The following COG2 variants were observed in gnomAD, a reference collection of about 807,000 sequenced individuals.
COG2 encodes the protein component of oligomeric golgi complex 2, also known as conserved oligomeric Golgi complex subunit 2.
A neutral mutation model predicts 90.6 loss-of-function variants in COG2; 52 were observed. The observed-to-expected ratio is 0.57, with a 90% CI of 0.46 to 0.72. COG2 has a LOEUF of 0.72. Among genes scored for constraint, COG2 ranks in the 30% least tolerant of loss-of-function variants. COG2 has a pLI of 0.00. For missense variants in COG2, 829 were observed against 891.2 expected (o/e 0.93, Z 0.89); for synonymous variants, 337 against 320.4 (o/e 1.05, Z -0.55).
chr1:230,691,326 C>T, intron 16 of COG2, 58 bp from the exon 17 acceptor site: 1 of 1,445,454 alleles, frequency 6.9e-7, no homozygotes, highest in African/African-American at 1.4e-5. Flanking sequence ...GCCAGTTACT[C>T]TATTTGGTGT....
intron 8 of COG2, among the ~76,000 whole-genome samples, chr1:230,673,652 A>T (rs540355040): frequency 2.0e-4 from 31 of 152,314 alleles, no homozygotes; most frequent in African/African-American, 6.7e-4. Flanking sequence ...TTCTCTAGAT[A>T]CCTTAACAGA....
Position 230,687,061 on chromosome 1 carries a change from A to G in COG2, c.1507A>G (p.Lys503Glu), listed in dbSNP as rs910052942. ...EDQGSGPSET[K>E]PVVSISRTQL... ...CCAAGGAAGTGGTCCTTCGGAAACA[A>G]AGCCTGTGGTTTCCATTTCCCGCAC... Residue 503 changes from lysine to glutamate, a missense_variant, in exon 13 of 18, where the codon AAG becomes GAG. Transcript: ENST00000366669. 2 of 1,613,066 alleles carry G rather than the reference A, an allele frequency of 1.2e-6. No individual in the cohort carries two copies. The highest frequency in any genetic ancestry group is 1.7e-6 in the Non-Finnish European group (2 of 1,179,510).
At chr1:230,691,306 G>A (rs2102776894) in intron 16 of COG2, 78 bp from the exon 17 acceptor site, 2 of 1,255,506 alleles carry the variant, frequency 1.6e-6, no homozygotes, top group South Asian at 3.5e-5. Context: ...CTCTTTTTTT[G>A]GTCCACAAAG....
At chr1:230,691,662 G>A (rs778741087) in intron 17 of COG2, 98 bp downstream of exon 17, 75 of 1,143,182 alleles carry the variant, frequency 6.6e-5, no homozygotes, top group Admixed American at 1.1e-4. Flanking sequence ...AGATGCTGTC[G>A]CAGTGGCTAG....
At chr1:230,689,978 C>T (rs1179225705) in intron 15 of COG2, 36 bp from the exon 16 acceptor site, 1 of 1,527,930 alleles carries the variant, frequency 6.5e-7, no homozygotes, top group African/African-American at 1.4e-5. Context: ...CTGTTTTTTT[C>T]CTGTGCATCT....
intron 4 of COG2, 50 bp downstream of exon 4, chr1:230,663,271 G>A (rs1163786153): frequency 7.0e-7 from 1 of 1,436,066 alleles, no homozygotes; most frequent in Admixed American, 1.8e-5. Context: ...GTAGCACCTT[G>A]TAGTAACAAG....
At chr1:230,680,432 T>A (rs965530368) in intron 10 of COG2, 1 of 152,320 alleles carries the variant, frequency 6.6e-6, no homozygotes, top group Non-Finnish European at 1.5e-5. Flanking sequence ...CTGCACCTCC[T>A]GGAGCTCCCA....
chr1:230,656,661 A>G (rs1462229620), intron 1 of COG2, among the ~76,000 whole-genome samples: 1 of 152,148 alleles, frequency 6.6e-6, no homozygotes, highest in Non-Finnish European at 1.5e-5. Context: ...TGATCTGTCT[A>G]ATATTGACAG....
At chr1:230,645,320 T>A (rs1661742978) in intron 1 of COG2, among the ~76,000 whole-genome samples, 1 of 151,644 alleles carries the variant, frequency 6.6e-6, no homozygotes, top group Non-Finnish European at 1.5e-5. Context: ...TGTAAGATAC[T>A]GGTAGTAGGA....
intron 1 of COG2, among the ~76,000 whole-genome samples, chr1:230,651,839 T>G (rs1011717027): frequency 6.6e-6 from 1 of 152,182 alleles, no homozygotes; most frequent in Non-Finnish European, 1.5e-5. Context: ...TTATCTACCT[T>G]AGTATTTTTT....
chr1:230,669,420 A>T lies in COG2; in HGVS notation c.659A>T (p.Gln220Leu). The change falls in exon 7 of 18, where the codon CAG (glutamine) becomes CTG (leucine). Residue 220 changes from glutamine to leucine, a missense_variant. Gln to Leu is a moderately radical substitution (Grantham distance 113, BLOSUM62 -2). Coordinates refer to ENST00000366669, the MANE Select transcript of COG2 (RefSeq NM_007357.3). ...SLEGLLLEGL[Q>L]TSDVDIIRHC... ...GAAGGTCTCCTATTAGAAGGCCTTC[A>T]GACGTCTGACGTCGATATAATACGG... 6.2e-7 allele frequency: 1 copy of T among 1,614,120 alleles called. No individual in the cohort carries two copies. The highest frequency in any genetic ancestry group is 8.5e-7 in the Non-Finnish European group (1 of 1,179,958).
At chr1:230,683,690 C>A in intron 11 of COG2, 55 bp downstream of exon 11, 1 of 1,169,762 alleles carries the variant, frequency 8.5e-7, no homozygotes, top group Non-Finnish European at 1.3e-6. Context: ...TCATTCAGTT[C>A]ACCAAGTCAT....
intron 1 of COG2, among the ~76,000 whole-genome samples, chr1:230,652,796 A>G (rs1427703604): frequency 6.6e-6 from 1 of 152,128 alleles, no homozygotes; most frequent in Non-Finnish European, 1.5e-5. Context: ...GCATTTTTTC[A>G]GATCTTTCGC....
chr1:230,659,937 T>C (rs940090680), intron 2 of COG2, among the ~76,000 whole-genome samples: 2 of 152,250 alleles, frequency 1.3e-5, no homozygotes, highest in Non-Finnish European at 2.9e-5. Flanking sequence ...TTTAGACCAA[T>C]TTGCAAGAGC....
intron 10 of COG2, chr1:230,682,799 A>C (rs1373937628): frequency 6.6e-6 from 1 of 152,270 alleles, no homozygotes; most frequent in Non-Finnish European, 1.5e-5. Flanking sequence ...GTAAAGAGAT[A>C]TATGAAATTG....
intron 10 of COG2, chr1:230,680,473 G>A (rs2493143): frequency 0.32 from 49,335 of 151,916 alleles, 9,574 homozygotes; most frequent in Non-Finnish European, 0.44. Context: ...TCTTGGCTCT[G>A]CCAGGCTGGG....
chr1:230,671,869 C>T lies in COG2; in HGVS notation c.899+229C>T, dbSNP rs192662844. Among the ~76,000 whole-genome samples the T allele has an allele frequency of 1.3e-4, 20 of 152,288 alleles. No individual in the cohort carries two copies. The East Asian group carries it at 2.9e-3, about 22-fold the overall frequency. Reference sequence around the variant, plus strand: ...AAGCTGAGACTGAAGACCACATTTCCGAATCCAAAGCCTAGCCTTTCTTCT... The same window carrying T: ...AAGCTGAGACTGAAGACCACATTTCTGAATCCAAAGCCTAGCCTTTCTTCT... On this transcript the variant is annotated intron_variant, in intron 8 of 17. Coordinates refer to ENST00000366669, the MANE Select transcript of COG2 (RefSeq NM_007357.3).
At chr1:230,679,799 C>T (rs574682452) in intron 10 of COG2, 1 of 152,318 alleles carries the variant, frequency 6.6e-6, no homozygotes, top group East Asian at 1.9e-4. Flanking sequence ...ACTTGAAATG[C>T]TCTTTGAAGA....
chr1:230,653,632 G>T (rs1179845047), intron 1 of COG2, among the ~76,000 whole-genome samples: 3 of 152,112 alleles, frequency 2.0e-5, no homozygotes, highest in African/African-American at 7.2e-5. Context: ...CCATATTAGT[G>T]GGTATCTAAT....
Sources: gnomAD v4.1 joint callset for allele counts (sites outside exome capture counted in the v4.1 genomes callset) on GRCh38, gnomAD v4.1.1 for gene constraint, MANE v1.5 for transcripts, NCBI Gene and HGNC (gene_info 2026-07-23, HGNC 2026-07-21) for gene names.